Variants in MYL4 observed in about 807,000 individuals in gnomAD.
MYL4 encodes myosin light chain 4.
In MYL4, 16 loss-of-function variants were observed where a neutral mutation model predicts 21.6. That is an observed-to-expected ratio of 0.74 (90% confidence interval 0.50 to 1.12). MYL4 has a LOEUF of 1.12. MYL4 is among the 50% of genes most tolerant of loss of function. The pLI is 0.00. For missense variants in MYL4, 249 were observed against 252.9 expected, an observed-to-expected ratio of 0.98 and a Z score of 0.11; for synonymous variants, 82 against 95.7, an observed-to-expected ratio of 0.86 and a Z score of 0.83.
At chr17:47,222,551 C>A in intron 5 of MYL4, 94 bp downstream of exon 5, 1 of 1,200,016 alleles carries the variant, frequency 8.3e-7, no homozygotes, top group Non-Finnish European at 1.2e-6. Context: ...GGGTATGTGT[C>A]TGAGGTGGGT....
chr17:47,199,543 G>A (rs900011809), upstream of MYL4, among the ~76,000 whole-genome samples: 1 of 152,050 alleles, frequency 6.6e-6, no homozygotes, highest in African/African-American at 2.4e-5. Context: ...GGAGCTCACT[G>A]TCTGGTGTAG....
In MYL4 at chr17:47,221,733, A is replaced by G. The variant is rs376695433; in HGVS notation, c.365A>G (p.His122Arg). 207 of 1,614,052 alleles carry G rather than the reference A, an allele frequency of 1.3e-4. No individual in the cohort carries two copies. The highest frequency in any genetic ancestry group is 1.7e-4 in the Non-Finnish European group (196 of 1,180,012). Residue 122 changes from histidine (H) to arginine (R), a missense_variant, in exon 4 of 7, where the codon CAC becomes CGC. Transcript: ENST00000393450. Reference sequence around the variant, plus strand: ...GAGACGTTCTTGCCCATCCTGCAGCACATTTCCCGCAACAAGGAGCAGGGC... The same window carrying G: ...GAGACGTTCTTGCCCATCCTGCAGCGCATTTCCCGCAACAAGGAGCAGGGC... Reference protein sequence around the residue: ...DFETFLPILQHISRNKEQGTY... With the variant: ...DFETFLPILQRISRNKEQGTY...
At chr17:47,199,764 G>A (rs1485473485), upstream of MYL4, among the ~76,000 whole-genome samples, 1 of 122,380 alleles carries the variant, frequency 8.2e-6, no homozygotes, top group Non-Finnish European at 1.6e-5. Flanking sequence ...TTTTGAGACA[G>A]GGTCTCTGTC....
chr17:47,222,468 G>T lies in MYL4; in HGVS notation c.565+11G>T. The T allele has an allele frequency of 3.1e-6, 5 of 1,613,892 alleles. No homozygotes were observed. Among genetic ancestry groups the T allele is most frequent in the Non-Finnish European group, 4.2e-6 (5 of 1,179,894 alleles). On this transcript the variant is annotated intron_variant, in intron 5 of 6. Transcript: ENST00000393450. ...GCATCAATTATGAAGGTATTAAGCCGCGCCTTGCATCCCAGGGCAGCCAGG... is the reference window on the plus strand; with the variant it reads ...GCATCAATTATGAAGGTATTAAGCCTCGCCTTGCATCCCAGGGCAGCCAGG...
intron 2 of MYL4, among the ~76,000 whole-genome samples, chr17:47,215,836 G>C (rs760264111): frequency 6.6e-6 from 1 of 151,942 alleles, no homozygotes; most frequent in Non-Finnish European, 1.5e-5. Context: ...TCTCACCTAG[G>C]CTGGAGTGCA....
upstream of MYL4, among the ~76,000 whole-genome samples, chr17:47,197,510 C>T (rs970189012): frequency 7.2e-5 from 11 of 152,104 alleles, no homozygotes; most frequent in African/African-American, 1.4e-4. Flanking sequence ...ATGACTAGGG[C>T]GCCTAGGGCT....
At chr17:47,210,712 C>T (rs2149041654) in intron 1 of MYL4, among the ~76,000 whole-genome samples, 1 of 152,276 alleles carries the variant, frequency 6.6e-6, no homozygotes, top group East Asian at 1.9e-4. Context: ...ATGCCAAAGA[C>T]CCAGTCCCCG....
upstream of MYL4, among the ~76,000 whole-genome samples, chr17:47,206,918 G>C (rs1388044668): frequency 6.6e-6 from 1 of 152,170 alleles, no homozygotes; most frequent in Non-Finnish European, 1.5e-5. Flanking sequence ...AGAAGGAGGA[G>C]GGCCTGGGCT....
At chr17:47,211,506 A>G (rs1463476031) in intron 1 of MYL4, among the ~76,000 whole-genome samples, 2 of 152,214 alleles carry the variant, frequency 1.3e-5, no homozygotes, top group Admixed American at 6.5e-5. Flanking sequence ...TTGCTCTTAC[A>G]TGTTTATTCC....
the MYL4 span, among the ~76,000 whole-genome samples, chr17:47,189,731 A>G: frequency 6.6e-6 from 1 of 152,214 alleles, no homozygotes; most frequent in East Asian, 1.9e-4. Context: ...GTATTTGTCT[A>G]TTGAGTTTAG....
upstream of MYL4, among the ~76,000 whole-genome samples, chr17:47,198,875 A>G (rs996978506): frequency 1.3e-5 from 2 of 152,076 alleles, no homozygotes; most frequent in African/African-American, 4.8e-5. Flanking sequence ...AGTCTTAGCT[A>G]CTTGGGAGGC....
chr17:47,201,033 A>G (rs2064707417), intron 1 of MYL4, among the ~76,000 whole-genome samples: 1 of 152,150 alleles, frequency 6.6e-6, no homozygotes, highest in Admixed American at 6.5e-5. Context: ...TTAGCTGGGC[A>G]TGGTGGCGGG....
chr17:47,204,723 C>T (rs1483616848), upstream of MYL4, among the ~76,000 whole-genome samples: 1 of 115,208 alleles, frequency 8.7e-6, no homozygotes, highest in African/African-American at 3.6e-5. Flanking sequence ...AAAGTGAGAC[C>T]CTGTCTCGAA....
At chr17:47,201,000 T>C (rs924525424) in intron 1 of MYL4, among the ~76,000 whole-genome samples, 1 of 152,022 alleles carries the variant, frequency 6.6e-6, no homozygotes, top group Admixed American at 6.6e-5. Flanking sequence ...GGTGAAACCC[T>C]GTCTCTACTA....
chr17:47,189,558 C>T, the MYL4 span: 1 of 326,034 alleles, frequency 3.1e-6, no homozygotes, highest in Non-Finnish European at 6.0e-6. Flanking sequence ...AAATCTGCAA[C>T]CAGCAGGCTG....
the MYL4 span, among the ~76,000 whole-genome samples, chr17:47,193,139 C>T: frequency 2.0e-5 from 3 of 152,024 alleles, no homozygotes; most frequent in East Asian, 5.8e-4. Flanking sequence ...GGTTTTATGG[C>T]CTCCTTACCT....
At chr17:47,223,874 G>A (rs991132740), downstream of MYL4, among the ~76,000 whole-genome samples, 2 of 152,144 alleles carry the variant, frequency 1.3e-5, no homozygotes, top group Non-Finnish European at 2.9e-5. Context: ...TCAGACCCAG[G>A]AGAGCAAGCT....
At position 47,220,055 on chromosome 17, in the gene MYL4, T is replaced by C. The variant is rs752178681; in HGVS notation, c.313+2T>C. 2 of 1,610,720 alleles carry C rather than the reference T, an allele frequency of 1.2e-6. No individual in the cohort carries two copies. Among genetic ancestry groups the C allele is most frequent in the South Asian group, 1.1e-5 (1 of 90,478 alleles). ...TGCTGGGCAAGCCCAAGCCTGAAGG[T>C]CAGTGCGGCTGCATGGCAGACCTCT... On this transcript the variant is annotated splice_donor_variant, in intron 3 of 6. Transcript: ENST00000393450. LOFTEE classifies it high-confidence loss of function.
At chr17:47,194,676 G>C in the MYL4 span, among the ~76,000 whole-genome samples, 2 of 151,356 alleles carry the variant, frequency 1.3e-5, no homozygotes, top group Admixed American at 1.3e-4. Flanking sequence ...CCCAAATTCA[G>C]GACTTACCTT....
Sources: allele counts gnomAD v4.1 joint callset (sites outside exome capture counted in the v4.1 genomes callset), GRCh38; gene constraint gnomAD v4.1.1; transcripts MANE v1.5; gene names NCBI Gene and HGNC (gene_info 2026-07-23, HGNC 2026-07-21).